SYBU: variants seen among roughly 807,000 people sequenced by gnomAD.
SYBU encodes the protein syntabulin.
Under a neutral mutation model 35.9 loss-of-function variants are expected in SYBU, and 21 were observed. That is an observed-to-expected ratio of 0.58 (90% confidence interval 0.41 to 0.84). SYBU has a LOEUF of 0.84. Among genes scored for constraint, SYBU ranks in the 40% least tolerant of loss-of-function variants. SYBU has a pLI of 0.00. For missense variants in SYBU, 768 were observed against 848.2 expected (o/e 0.91, Z 1.17); for synonymous variants, 319 against 324.3 (o/e 0.98, Z 0.18).
At chr8:109,602,409 C>T (rs1825637572) in intron 3 of SYBU, among the ~76,000 whole-genome samples, 1 of 149,808 alleles carries the variant, frequency 6.7e-6, no homozygotes, top group African/African-American at 2.5e-5. Flanking sequence ...AAGATCAATA[C>T]TAGATTTAAC....
intron 3 of SYBU, among the ~76,000 whole-genome samples, chr8:109,617,674 C>T (rs1811965022): frequency 6.6e-6 from 1 of 152,180 alleles, no homozygotes; most frequent in South Asian, 2.1e-4. Flanking sequence ...GGCTGTCTTT[C>T]CTTCTTCATT....
At chr8:109,660,415 G>A (rs1313962796) in intron 1 of SYBU, among the ~76,000 whole-genome samples, 3 of 152,030 alleles carry the variant, frequency 2.0e-5, no homozygotes, top group African/African-American at 7.2e-5. Flanking sequence ...TGGAGTTCAT[G>A]GCTGTTGTCT....
At chr8:109,648,141 G>T (rs1586949024), upstream of SYBU, 1 of 151,350 alleles carries the variant, frequency 6.6e-6, no homozygotes, top group Non-Finnish European at 1.5e-5. Flanking sequence ...TTATGGTCTT[G>T]TTTTATCACC....
chr8:109,579,781 T>C lies in SYBU; in HGVS notation c.734+18A>G. The C allele has an allele frequency of 6.2e-7, 1 of 1,600,880 alleles. No individual in the cohort carries two copies. Among genetic ancestry groups the C allele is most frequent in the Non-Finnish European group, 8.6e-7 (1 of 1,167,938 alleles). ...GTAGGACAAACTAAGATGCATGAAT[T>C]AGGTGAGCAGGACTCACCTCATGAT... On this transcript the variant is annotated intron_variant, in intron 5 of 6. Transcript: ENST00000276646.
chr8:109,600,115 A>T (rs1036132107), intron 3 of SYBU, among the ~76,000 whole-genome samples: 1 of 152,124 alleles, frequency 6.6e-6, no homozygotes, highest in Admixed American at 6.5e-5. Flanking sequence ...TTGCTTTAAC[A>T]TATTTTCCAG....
At chr8:109,590,923 A>G (rs1017657480) in intron 3 of SYBU, among the ~76,000 whole-genome samples, 1 of 152,232 alleles carries the variant, frequency 6.6e-6, no homozygotes, top group Non-Finnish European at 1.5e-5. Context: ...CATCTATCTG[A>G]TAGGCAAAAG....
intron 3 of SYBU, among the ~76,000 whole-genome samples, chr8:109,588,630 G>A (rs1009259477): frequency 3.3e-5 from 5 of 152,134 alleles, no homozygotes; most frequent in Non-Finnish European, 4.4e-5. Flanking sequence ...AAAGCTAAAT[G>A]TAATACATCA....
In SYBU at chr8:109,579,801, C is replaced by T. The variant is rs758090912; in HGVS notation, c.732G>A (p.Met244Ile). The change falls in exon 5 of 7, where the codon ATG becomes ATA. Residue 244 changes from methionine (M) to isoleucine (I), a missense_variant and splice_region_variant. Transcript: ENST00000276646. ...SYKGSDCSPI[M>I]RRSGRYMSCG... Reference sequence around the variant, plus strand: ...TGAATTAGGTGAGCAGGACTCACCTCATGATGGGGCTACAGTCGCTTCCTT... The same window carrying T: ...TGAATTAGGTGAGCAGGACTCACCTTATGATGGGGCTACAGTCGCTTCCTT... 19 of 1,613,802 alleles carry T rather than the reference C, an allele frequency of 1.2e-5. No homozygotes were observed. The East Asian group carries it at 4.2e-4, about 36-fold the overall frequency.
intron 1 of SYBU, among the ~76,000 whole-genome samples, chr8:109,670,422 TTTC>T (rs200040162): frequency 0.012 from 1,815 of 151,804 alleles, 34 homozygotes; most frequent in African/African-American, 0.041. Context: ...CAATTAGACT[TTTC>T]TTATTTATAA....
intron 3 of SYBU, among the ~76,000 whole-genome samples, chr8:109,601,762 G>A (rs1174088498): frequency 6.6e-6 from 1 of 152,166 alleles, no homozygotes; most frequent in Admixed American, 6.5e-5. Flanking sequence ...GGCATGTTTA[G>A]TACATATATG....
chr8:109,667,396 C>T lies in SYBU; in HGVS notation c.-129+13315G>A, dbSNP rs562436473. On this transcript the variant is annotated intron_variant, in intron 1 of 5. Coordinates refer to the SYBU transcript ENST00000408889. The stretch of plus-strand genomic sequence containing the variant: ...AAAGTGCTGGGATTACCAATGTGAG[C>T]CACCGTGCCTGGCCCCTACTAAAAT... Among the ~76,000 whole-genome samples, 10 of 152,128 alleles carry T rather than the reference C, an allele frequency of 6.6e-5. No individual in the cohort carries two copies. The South Asian group carries it at 2.1e-3, about 32-fold the overall frequency.
intron 3 of SYBU, 104 bp downstream of exon 3, chr8:109,618,738 C>T (rs549036197): frequency 3.0e-5 from 31 of 1,029,316 alleles, no homozygotes; most frequent in East Asian, 4.8e-5. Flanking sequence ...ATGCTGGGTA[C>T]GGTATTTGTG....
intron 3 of SYBU, among the ~76,000 whole-genome samples, chr8:109,597,459 T>TTTG (rs1235318118): frequency 2.0e-5 from 3 of 152,138 alleles, no homozygotes; most frequent in Admixed American, 1.3e-4. Context: ...GGCTCCCGTC[T>TTTG]GTAATCCCAG....
At chr8:109,622,870 G>A (rs891037195) in intron 2 of SYBU, among the ~76,000 whole-genome samples, 1 of 152,142 alleles carries the variant, frequency 6.6e-6, no homozygotes, top group African/African-American at 2.4e-5. Context: ...CCAAAGTGTG[G>A]GATGTTCCAC....
chr8:109,652,434 G>A (rs973956511), intron 1 of SYBU, among the ~76,000 whole-genome samples: 1 of 151,000 alleles, frequency 6.6e-6, no homozygotes, highest in Non-Finnish European at 1.5e-5. Flanking sequence ...CACCGTCCAG[G>A]CCCCAAGGAT....
chr8:109,595,175 AGAACAGT>A (rs1824723874), intron 3 of SYBU, among the ~76,000 whole-genome samples: 1 of 152,232 alleles, frequency 6.6e-6, no homozygotes, highest in African/African-American at 2.4e-5. Context: ...GGAAGAACTT[AGAACAGT>A]GACAAGGAAT....
chr8:109,644,700 C>G lies in SYBU; in HGVS notation c.-41G>C, dbSNP rs781657319. The stretch of plus-strand genomic sequence containing the variant: ...CGGCTCCTCGCGCCGCCGCTGCCGC[C>G]GTCCAGGAGGAGGCACCTGCGAGCA... On this transcript the variant is annotated 5_prime_UTR_variant, in exon 1 of 7. Transcript: ENST00000276646. The G allele has an allele frequency of 9.4e-6, 14 of 1,489,376 alleles. No homozygotes were observed. The highest frequency in any genetic ancestry group is 5.4e-5 in the East Asian group (2 of 37,228). 92.3% of individuals were successfully genotyped at this position (1,489,376 alleles called of 1,614,324 possible).
intron 3 of SYBU, chr8:109,603,565 C>T (rs1445001141): frequency 1.6e-4 from 29 of 179,254 alleles, no homozygotes; most frequent in Non-Finnish European, 2.8e-4. Context: ...ACTTTCTCCA[C>T]CCCTTCCCTC....
chr8:109,629,715 G>A (rs1315726466), intron 2 of SYBU, among the ~76,000 whole-genome samples: 11 of 151,940 alleles, frequency 7.2e-5, no homozygotes, highest in South Asian at 4.2e-4. Context: ...CTGAGGAATC[G>A]CCACACTGAC....
Sources: allele counts gnomAD v4.1 joint callset (sites outside exome capture counted in the v4.1 genomes callset), GRCh38; gene constraint gnomAD v4.1.1; transcripts MANE v1.5; gene names NCBI Gene and HGNC (gene_info 2026-07-23, HGNC 2026-07-21).